Variants in PHF21B observed in about 807,000 individuals in gnomAD.
The protein encoded by PHF21B is PHD finger protein 21B.
Under a neutral mutation model 62.2 loss-of-function variants are expected in PHF21B, and 22 were observed. The ratio of observed to expected loss-of-function variants is 0.35; its 90% confidence interval spans 0.25 to 0.51. The LOEUF (loss-of-function observed/expected upper bound fraction) is 0.51, where lower values mean the gene tolerates loss of function less well. PHF21B is among the 20% of genes least tolerant of loss of function. The pLI is 0.97. For missense variants in PHF21B, 701 were observed against 707.9 expected (o/e 0.99, Z 0.11); for synonymous variants, 341 against 314.7 (o/e 1.08, Z -0.88).
At chr22:44,985,754 G>A (rs1246740971) in intron 2 of PHF21B, among the ~76,000 whole-genome samples, 4 of 152,312 alleles carry the variant, frequency 2.6e-5, no homozygotes, top group East Asian at 1.9e-4. Flanking sequence ...GAGGTGGTCA[G>A]TAAATGACAG....
chr22:44,961,905 C>A (rs1009626228), intron 2 of PHF21B, among the ~76,000 whole-genome samples: 8 of 151,314 alleles, frequency 5.3e-5, no homozygotes, highest in Non-Finnish European at 1.2e-4. Context: ...AGTATAATGA[C>A]CTCCAGCTGC....
chr22:44,992,728 T>C (rs1396214867), intron 2 of PHF21B, among the ~76,000 whole-genome samples: 1 of 151,850 alleles, frequency 6.6e-6, no homozygotes, highest in Non-Finnish European at 1.5e-5. Context: ...CAACACAGAG[T>C]AGGCATAAGA....
At chr22:44,972,177 A>T (rs1042537797) in intron 2 of PHF21B, among the ~76,000 whole-genome samples, 1 of 152,266 alleles carries the variant, frequency 6.6e-6, no homozygotes, top group African/African-American at 2.4e-5. Flanking sequence ...TTGAAATTCA[A>T]GTTCCTTTGT....
intron 2 of PHF21B, among the ~76,000 whole-genome samples, chr22:44,955,712 C>T (rs1231640576): frequency 2.6e-5 from 4 of 152,148 alleles, no homozygotes; most frequent in Non-Finnish European, 1.5e-5. Flanking sequence ...ATGACAGCAC[C>T]GGCGTTCCAG....
intron 2 of PHF21B, among the ~76,000 whole-genome samples, chr22:44,928,562 A>C (rs1186314667): frequency 6.6e-6 from 1 of 151,798 alleles, no homozygotes; most frequent in African/African-American, 2.4e-5. Context: ...GGCGCCCACC[A>C]CCATGTCTGG....
intron 2 of PHF21B, among the ~76,000 whole-genome samples, chr22:44,946,934 A>C (rs2072085322): frequency 6.6e-6 from 1 of 152,190 alleles, no homozygotes; most frequent in African/African-American, 2.4e-5. Flanking sequence ...CAGGACCTGG[A>C]AACGGGGCAC....
chr22:44,885,055 TA>T (rs1164958037), intron 12 of PHF21B, among the ~76,000 whole-genome samples: 1 of 152,266 alleles, frequency 6.6e-6, no homozygotes, highest in Non-Finnish European at 1.5e-5. Flanking sequence ...AATCGCTTGA[TA>T]AATATTTGTT....
At position 44,907,943 on chromosome 22, in the gene PHF21B, G is replaced by A. The variant is rs142009345; in HGVS notation, c.831+5879C>T. ...TGGAATCTCTGGGAAGTACAGGGGC[G>A]CTGGGGGGGTGAGGCCAGCCTTGTG... On this transcript the variant is annotated intron_variant, in intron 5 of 12. Coordinates refer to ENST00000313237, the MANE Select transcript of PHF21B (RefSeq NM_138415.5). 1.8e-3 allele frequency among the ~76,000 whole-genome samples: 275 copies of A among 152,296 alleles called. 1 individual carries two copies. Among genetic ancestry groups the A allele is most frequent in the South Asian group, 0.012 (56 of 4,828 alleles).
chr22:44,890,335 G>A (rs938307141), intron 8 of PHF21B, among the ~76,000 whole-genome samples: 1 of 152,198 alleles, frequency 6.6e-6, no homozygotes, highest in African/African-American at 2.4e-5. Context: ...TCTAGTAAAT[G>A]ATACCAAACC....
intron 7 of PHF21B, among the ~76,000 whole-genome samples, chr22:44,892,218 T>C (rs1314207361): frequency 2.0e-5 from 3 of 152,220 alleles, no homozygotes; most frequent in East Asian, 1.9e-4. Context: ...CACGATGTTC[T>C]TACGAAGGGT....
chr22:45,008,936 G>C (rs1290530325), intron 1 of PHF21B: 19 of 1,106,170 alleles, frequency 1.7e-5, no homozygotes, highest in Non-Finnish European at 2.0e-5. Flanking sequence ...CGGGGGAGGG[G>C]GGAGGAACAA....
intron 2 of PHF21B, among the ~76,000 whole-genome samples, chr22:44,967,394 TG>T (rs2147437824): frequency 6.6e-6 from 1 of 152,146 alleles, no homozygotes; most frequent in East Asian, 1.9e-4. Flanking sequence ...CTAATTTTTT[TG>T]TATTTTTAGT....
intron 2 of PHF21B, among the ~76,000 whole-genome samples, chr22:44,983,131 A>G (rs2072873084): frequency 6.6e-6 from 1 of 151,906 alleles, no homozygotes; most frequent in Non-Finnish European, 1.5e-5. Context: ...CTACTCAGGA[A>G]GCTGAAGCAG....
intron 3 of PHF21B, among the ~76,000 whole-genome samples, chr22:44,919,257 C>T (rs1018423599): frequency 2.6e-5 from 4 of 152,208 alleles, no homozygotes; most frequent in South Asian, 4.1e-4. Flanking sequence ...CTTGTCTGTC[C>T]TCCCTCTAGA....
At chr22:44,997,531 T>C (rs1330186817) in intron 2 of PHF21B, among the ~76,000 whole-genome samples, 1 of 152,210 alleles carries the variant, frequency 6.6e-6, no homozygotes, top group African/African-American at 2.4e-5. Flanking sequence ...TTATTACCAC[T>C]GAGACGCATT....
intron 9 of PHF21B, 97 bp downstream of exon 9, chr22:44,889,663 C>T (rs2070925863): frequency 1.2e-5 from 17 of 1,438,508 alleles, no homozygotes; most frequent in Middle Eastern, 3.5e-4. Flanking sequence ...TGCACCACTC[C>T]GGGCTCTTTC....
At chr22:44,928,479 G>T (rs1057332865) in intron 2 of PHF21B, among the ~76,000 whole-genome samples, 2 of 152,144 alleles carry the variant, frequency 1.3e-5, no homozygotes, top group Non-Finnish European at 2.9e-5. Context: ...GCGTGATCTT[G>T]GCTCACTGCA....
chr22:44,891,853 G>C (rs759528271), intron 7 of PHF21B, among the ~76,000 whole-genome samples: 2 of 152,214 alleles, frequency 1.3e-5, no homozygotes, highest in African/African-American at 2.4e-5. Flanking sequence ...TCCTGGCTTT[G>C]GCAACCACAG....
intron 2 of PHF21B, among the ~76,000 whole-genome samples, chr22:44,995,457 A>ACTTACTTATCTAAATGAGAGATAAGCACC (rs2073104539): frequency 6.6e-6 from 1 of 152,132 alleles, no homozygotes; most frequent in East Asian, 1.9e-4. Flanking sequence ...TTTGTGTTCC[A>ACTTACTTATCTAAATGAGAGATAAGCACC]CTTACTTATC....
Sources: gnomAD v4.1 joint callset for allele counts (sites outside exome capture counted in the v4.1 genomes callset) on GRCh38, gnomAD v4.1.1 for gene constraint, MANE v1.5 for transcripts, NCBI Gene and HGNC (gene_info 2026-07-23, HGNC 2026-07-21) for gene names.